Variants in NEDD9 observed in about 807,000 individuals in gnomAD.
NEDD9 encodes enhancer of filamentation 1.
Under a neutral mutation model 76.6 loss-of-function variants are expected in NEDD9, and 26 were observed. That is an observed-to-expected ratio of 0.34 (90% confidence interval 0.25 to 0.47). The LOEUF (loss-of-function observed/expected upper bound fraction) is 0.47, where lower values mean the gene tolerates loss of function less well. Ranked by LOEUF, NEDD9 falls within the 20% of genes least tolerant of loss-of-function variation. The pLI, the probability that NEDD9 is intolerant of heterozygous loss-of-function variation, is 1.00. For missense variants in NEDD9, 937 were observed against 1,058.5 expected (o/e 0.89, Z 1.59); for synonymous variants, 392 against 414.2 (o/e 0.95, Z 0.65).
At chr6:11,310,006 G>A (rs142283367) in intron 2 of NEDD9, among the ~76,000 whole-genome samples, 14 of 151,916 alleles carry the variant, frequency 9.2e-5, no homozygotes, top group Non-Finnish European at 1.9e-4. Flanking sequence ...GGGATACATC[G>A]ACACGCCACT....
intron 1 of NEDD9, 135 bp downstream of exon 1, chr6:11,232,369 C>T (rs906673128): frequency 1.4e-5 from 15 of 1,095,828 alleles, no homozygotes; most frequent in Middle Eastern, 2.0e-4. Context: ...GCATGTCAAC[C>T]TCAGTGACCG....
At chr6:11,271,268 C>T (rs1169999590) in intron 3 of NEDD9, among the ~76,000 whole-genome samples, 1 of 152,186 alleles carries the variant, frequency 6.6e-6, no homozygotes, top group African/African-American at 2.4e-5. Flanking sequence ...AACTCCTGGC[C>T]TCAAGTGATC....
chr6:11,289,057 C>T (rs1276342685), intron 3 of NEDD9, among the ~76,000 whole-genome samples: 4 of 152,332 alleles, frequency 2.6e-5, no homozygotes, highest in African/African-American at 9.6e-5. Context: ...TGATTTGAGT[C>T]CAGACTTTGC....
At chr6:11,254,929 A>C (rs777447717) in intron 3 of NEDD9, among the ~76,000 whole-genome samples, 7 of 152,236 alleles carry the variant, frequency 4.6e-5, no homozygotes, top group Non-Finnish European at 1.0e-4. Context: ...CAGTTCAACA[A>C]ATATTTATTA....
At chr6:11,231,285 T>G (rs1759462194) in intron 1 of NEDD9, among the ~76,000 whole-genome samples, 1 of 152,244 alleles carries the variant, frequency 6.6e-6, no homozygotes, top group Admixed American at 6.5e-5. Context: ...ACCTGTGTCT[T>G]CAGACAGTGG....
chr6:11,275,376 A>G (rs1235844153), intron 3 of NEDD9, among the ~76,000 whole-genome samples: 2 of 152,220 alleles, frequency 1.3e-5, no homozygotes, highest in Non-Finnish European at 2.9e-5. Flanking sequence ...TGCATACTCG[A>G]AAATTGCTAA....
intron 3 of NEDD9, among the ~76,000 whole-genome samples, chr6:11,284,968 G>T (rs1760618104): frequency 6.6e-6 from 1 of 152,132 alleles, no homozygotes; most frequent in South Asian, 2.1e-4. Context: ...AGAAAACTGA[G>T]TTCTAGAGAG....
intron 6 of NEDD9, among the ~76,000 whole-genome samples, chr6:11,186,806 C>T (rs551230950): frequency 2.2e-4 from 34 of 152,206 alleles, no homozygotes; most frequent in African/African-American, 6.3e-4. Flanking sequence ...TTTAGTGAGA[C>T]GGGGTTTCAT....
intron 1 of NEDD9, among the ~76,000 whole-genome samples, chr6:11,378,705 G>A (rs1763009038): frequency 6.6e-6 from 1 of 152,066 alleles, no homozygotes; most frequent in South Asian, 2.1e-4. Context: ...TCACCCTCAT[G>A]TATCACTTTC....
At chr6:11,331,969 T>G (rs1343975394) in intron 2 of NEDD9, among the ~76,000 whole-genome samples, 1 of 152,198 alleles carries the variant, frequency 6.6e-6, no homozygotes, top group Non-Finnish European at 1.5e-5. Flanking sequence ...CCGCTCTAAG[T>G]CTTTGAGTGC....
At chr6:11,305,603 C>T (rs1236225129) in intron 3 of NEDD9, among the ~76,000 whole-genome samples, 1 of 152,232 alleles carries the variant, frequency 6.6e-6, no homozygotes, top group Non-Finnish European at 1.5e-5. Flanking sequence ...TTGAAGGTGA[C>T]TGGCAAACAG....
At chr6:11,348,112 A>C (rs1418533734) in intron 1 of NEDD9, among the ~76,000 whole-genome samples, 1 of 152,220 alleles carries the variant, frequency 6.6e-6, no homozygotes, top group Admixed American at 6.5e-5. Context: ...AAATTGATGT[A>C]CAAAAATTAC....
intron 5 of NEDD9, among the ~76,000 whole-genome samples, 172 bp downstream of exon 5, chr6:11,189,792 C>T (rs760389334): frequency 6.6e-6 from 1 of 152,190 alleles, no homozygotes. Context: ...TCAGGACTCT[C>T]AGCCCAGCGT....
intron 1 of NEDD9, among the ~76,000 whole-genome samples, chr6:11,377,733 T>G (rs1420720583): frequency 6.6e-6 from 1 of 152,212 alleles, no homozygotes; most frequent in African/African-American, 2.4e-5. Context: ...GATTGTATTT[T>G]GCAATGTGAG....
intron 1 of NEDD9, among the ~76,000 whole-genome samples, chr6:11,360,984 G>T (rs1024582150): frequency 7.9e-5 from 12 of 152,194 alleles, no homozygotes; most frequent in Admixed American, 1.3e-4. Flanking sequence ...CAGCTTGTTT[G>T]TGTGTATGAC....
chr6:11,189,914 C>T (rs751275742), intron 5 of NEDD9, 50 bp downstream of exon 5: 7 of 1,496,644 alleles, frequency 4.7e-6, no homozygotes, highest in Non-Finnish European at 6.2e-6. Context: ...CTTTCTCAGG[C>T]TCCCTGCATG....
intron 1 of NEDD9, among the ~76,000 whole-genome samples, chr6:11,355,244 G>T (rs142585661): frequency 1.3e-5 from 2 of 151,890 alleles, no homozygotes; most frequent in East Asian, 1.9e-4. Flanking sequence ...TAAAATAAGG[G>T]TATTACTCCC....
intron 1 of NEDD9, chr6:11,214,330 T>A (rs1374812024): frequency 4.8e-6 from 2 of 413,632 alleles, no homozygotes; most frequent in Admixed American, 6.4e-5. Context: ...AGACATGCCA[T>A]CAAGCGTGGA....
intron 1 of NEDD9, among the ~76,000 whole-genome samples, chr6:11,372,100 T>C (rs6903648): frequency 0.1 from 15,406 of 152,012 alleles, 836 homozygotes; most frequent in African/African-American, 0.14. Flanking sequence ...TGACTTGTAC[T>C]CATTATCTAT....
Sources: gnomAD v4.1 joint callset for allele counts (sites outside exome capture counted in the v4.1 genomes callset) on GRCh38, gnomAD v4.1.1 for gene constraint, MANE v1.5 for transcripts, NCBI Gene and HGNC (gene_info 2026-07-23, HGNC 2026-07-21) for gene names.